The following ANK2 variants were observed in gnomAD, a reference collection of about 807,000 sequenced individuals.
ANK2 encodes the protein ankyrin-2.
A neutral mutation model predicts 360.5 loss-of-function variants in ANK2; 83 were observed. That is an observed-to-expected ratio of 0.23 (90% CI 0.19 to 0.28). ANK2 has a LOEUF of 0.28. ANK2 is among the 10% of genes least tolerant of loss of function. The pLI is 1.00. For missense variants in ANK2, 4,201 were observed against 4,795.7 expected (o/e 0.88, Z 3.66); for synonymous variants, 1,740 against 1,759.5 (o/e 0.99, Z 0.28).
At chr4:113,377,118 A>C (rs948832120) in intron 45 of ANK2, among the ~76,000 whole-genome samples, 1 of 152,156 alleles carries the variant, frequency 6.6e-6, no homozygotes, top group Admixed American at 6.5e-5. Flanking sequence ...AGTGACTGTT[A>C]CTGATTTATG....
chr4:113,200,974 C>T (rs1338567645), intron 4 of ANK2, among the ~76,000 whole-genome samples: 1 of 152,086 alleles, frequency 6.6e-6, no homozygotes, highest in African/African-American at 2.4e-5. Context: ...CAATATGGTA[C>T]ATGTACACCC....
At chr4:113,151,312 T>G in intron 1 of ANK2, 1 of 398,924 alleles carries the variant, frequency 2.5e-6, no homozygotes, top group Non-Finnish European at 4.4e-6. Context: ...AGAAAAGAGG[T>G]TTATTTGGAT....
the ANK2 span, among the ~76,000 whole-genome samples, chr4:112,809,652 C>T: frequency 6.9e-4 from 104 of 150,682 alleles, no homozygotes; most frequent in Non-Finnish European, 5.9e-4. Flanking sequence ...GAGGCCGCGG[C>T]GGACAGATAG....
chr4:112,814,540 T>C (rs1308665915), upstream of ANK2, among the ~76,000 whole-genome samples: 3 of 152,072 alleles, frequency 2.0e-5, no homozygotes, highest in African/African-American at 2.4e-5. Flanking sequence ...TCAACCTCCC[T>C]GGGCTCAGGG....
the ANK2 span, among the ~76,000 whole-genome samples, chr4:112,751,208 A>C: frequency 6.6e-6 from 1 of 152,146 alleles, no homozygotes. Flanking sequence ...GAAATGTGGC[A>C]GTGTAAAAGG....
chr4:113,264,666 G>A (rs370505223), intron 13 of ANK2, among the ~76,000 whole-genome samples: 2 of 150,944 alleles, frequency 1.3e-5, no homozygotes, highest in South Asian at 4.2e-4. Flanking sequence ...AGGTTGTGGT[G>A]AGCCGAGATG....
rs1401322915 is a variant in ANK2 at position 113,196,306 on chromosome 4, G to A, written c.187-62G>A. ...TTCTCTGGGTTATATGCTTGAGTAG[G>A]ATCAGGGCACTATTTTCCTCATTAC... On this transcript the variant is annotated intron_variant, in intron 2 of 45. Coordinates refer to ENST00000357077, the MANE Select transcript of ANK2 (RefSeq NM_001148.6). 8 of 1,273,882 alleles carry A rather than the reference G, an allele frequency of 6.3e-6. No homozygotes were observed. In the South Asian group the frequency reaches 8.7e-5, roughly 14 times the overall value. 78.9% of individuals were successfully genotyped at this position (1,273,882 alleles called of 1,614,324 possible).
At chr4:112,755,242 A>G in the ANK2 span, among the ~76,000 whole-genome samples, 30 of 152,252 alleles carry the variant, frequency 2.0e-4, no homozygotes, top group East Asian at 5.8e-3. Context: ...AACTTGTTTC[A>G]CTGTCCTGCC....
At chr4:112,876,577 A>T (rs1035504517) in intron 1 of ANK2, among the ~76,000 whole-genome samples, 4 of 152,092 alleles carry the variant, frequency 2.6e-5, no homozygotes, top group African/African-American at 9.7e-5. Context: ...GGAAAGTGTT[A>T]AAAAACAGAT....
At chr4:113,178,731 G>T (rs908068815) in intron 2 of ANK2, among the ~76,000 whole-genome samples, 2 of 152,040 alleles carry the variant, frequency 1.3e-5, no homozygotes, top group Admixed American at 1.3e-4. Flanking sequence ...CTTTGTGCTG[G>T]GGCTTTACAT....
chr4:112,713,459 C>T, the ANK2 span, among the ~76,000 whole-genome samples: 1 of 152,220 alleles, frequency 6.6e-6, no homozygotes, highest in East Asian at 1.9e-4. Flanking sequence ...ATCCTAGCTA[C>T]TCGGGAAGCA....
chr4:112,788,965 G>A, the ANK2 span: 1 of 564,606 alleles, frequency 1.8e-6, no homozygotes, highest in Non-Finnish European at 3.1e-6. Flanking sequence ...TCTGAGGGCA[G>A]GAACCATATT....
At chr4:113,248,213 T>C (rs2044098570) in intron 9 of ANK2, among the ~76,000 whole-genome samples, 1 of 152,112 alleles carries the variant, frequency 6.6e-6, no homozygotes, top group Non-Finnish European at 1.5e-5. Context: ...AATTTGATCA[T>C]TTGATTAGAG....
At chr4:113,331,899 T>C in intron 27 of ANK2, 73 bp from the exon 28 acceptor site, 2 of 1,381,840 alleles carry the variant, frequency 1.4e-6, no homozygotes, top group African/African-American at 1.4e-5. Flanking sequence ...CTGGCGACGC[T>C]GGGGTTCTGT....
chr4:113,057,757 C>G (rs554100368), intron 1 of ANK2, among the ~76,000 whole-genome samples: 1 of 152,180 alleles, frequency 6.6e-6, no homozygotes, highest in Admixed American at 6.6e-5. Flanking sequence ...TTGAAAGTAT[C>G]TAAATATTCA....
the ANK2 span, among the ~76,000 whole-genome samples, chr4:112,712,597 T>C: frequency 1.3e-3 from 203 of 150,990 alleles, 1 homozygote; most frequent in East Asian, 3.3e-3. Context: ...TTAGTAGAGA[T>C]GGGGTTTCAC....
intron 2 of ANK2, among the ~76,000 whole-genome samples, chr4:112,951,344 AAG>A (rs2094976738): frequency 6.6e-6 from 1 of 152,184 alleles, no homozygotes; most frequent in Non-Finnish European, 1.5e-5. Context: ...TTGACATAAA[AAG>A]GTATTTGTGA....
chr4:112,877,773 C>T (rs568231082), intron 1 of ANK2, among the ~76,000 whole-genome samples: 1 of 152,270 alleles, frequency 6.6e-6, no homozygotes, highest in South Asian at 2.1e-4. Flanking sequence ...CCCATTCCCT[C>T]CTCACCCACT....
chr4:113,318,491 T>C, intron 25 of ANK2, 26 bp from the exon 26 acceptor site: 1 of 1,570,742 alleles, frequency 6.4e-7, no homozygotes, highest in Non-Finnish European at 8.8e-7. Flanking sequence ...AGTGTGTTTA[T>C]TCAATCCAGT....
Sources: allele counts gnomAD v4.1 joint callset (sites outside exome capture counted in the v4.1 genomes callset), GRCh38; gene constraint gnomAD v4.1.1; transcripts MANE v1.5; gene names NCBI Gene and HGNC (gene_info 2026-07-23, HGNC 2026-07-21).